The following SEC24D variants were observed in gnomAD, a reference collection of about 807,000 sequenced individuals.
SEC24D encodes SEC24 homolog D, COPII component.
Under a neutral mutation model 116.9 loss-of-function variants are expected in SEC24D, and 69 were observed. The ratio of observed to expected loss-of-function variants is 0.59; its 90% CI spans 0.49 to 0.72. SEC24D has a LOEUF of 0.72. Among genes scored for constraint, SEC24D ranks in the 30% least tolerant of loss-of-function variants. The probability of loss-of-function intolerance (pLI) is 0.00; values close to 1 mark genes in which losing one functional copy is unlikely to be tolerated. For synonymous variants in SEC24D, 405 were observed against 442.8 expected (o/e 0.91, Z 1.07); for missense variants, 1,131 against 1,264.1 (o/e 0.89, Z 1.60).
chr4:118,800,851 T>C (rs536140495), intron 7 of SEC24D, among the ~76,000 whole-genome samples: 10 of 152,298 alleles, frequency 6.6e-5, no homozygotes, highest in African/African-American at 2.2e-4. Flanking sequence ...GAACCAATTA[T>C]AAATTTCTAC....
chr4:118,795,925 T>C (rs1156839854), intron 8 of SEC24D, among the ~76,000 whole-genome samples: 1 of 152,236 alleles, frequency 6.6e-6, no homozygotes, highest in Non-Finnish European at 1.5e-5. Flanking sequence ...TAAATGAATT[T>C]TGCCTCAAAT....
Position 118,745,056 on chromosome 4 carries a change from G to T in SEC24D, c.1712C>A (p.Ala571Glu). Residue 571 changes from alanine to glutamate, a missense_variant, in exon 14 of 23, where the codon GCA becomes GAA. Transcript: ENST00000280551. ...GATGAACAGCTTCCCAGGACAGTCT[G>T]CTGCCTAAAAAAAAAAAAAAACCCA... ...IQAGMEALKA[A>E]DCPGKLFIFH... The T allele has an allele frequency of 1.9e-6, 3 of 1,558,454 alleles. No individual in the cohort carries two copies. The highest frequency in any genetic ancestry group is 8.7e-7 in the Non-Finnish European group (1 of 1,152,386).
chr4:118,812,958 C>T (rs1423352202), intron 6 of SEC24D, among the ~76,000 whole-genome samples: 3 of 152,164 alleles, frequency 2.0e-5, no homozygotes, highest in African/African-American at 7.2e-5. Context: ...CTGTATCCTC[C>T]CCTAGAGATT....
chr4:118,756,299 C>T (rs72669455), intron 11 of SEC24D, among the ~76,000 whole-genome samples: 297 of 152,232 alleles, frequency 2.0e-3, no homozygotes, highest in Non-Finnish European at 3.4e-3. Context: ...GTCACAAACA[C>T]ATCTGCAGGC....
intron 3 of SEC24D, among the ~76,000 whole-genome samples, chr4:118,817,665 G>A (rs1730211710): frequency 6.6e-6 from 1 of 152,014 alleles, no homozygotes; most frequent in South Asian, 2.1e-4. Context: ...CATAAAACCA[G>A]TTCTGGAAAT....
At chr4:118,730,657 C>T (rs987294438) in intron 21 of SEC24D, 1 of 152,308 alleles carries the variant, frequency 6.6e-6, no homozygotes, top group Non-Finnish European at 1.5e-5. Flanking sequence ...TAAATGTTGA[C>T]TCTTGTACAA....
intron 9 of SEC24D, among the ~76,000 whole-genome samples, chr4:118,765,737 T>C (rs1463547094): frequency 6.6e-6 from 1 of 152,144 alleles, no homozygotes; most frequent in Non-Finnish European, 1.5e-5. Context: ...ATAATGCTTC[T>C]TGTTTTTAAG....
intron 1 of SEC24D, among the ~76,000 whole-genome samples, chr4:118,835,000 T>G (rs1185116733): frequency 6.6e-6 from 1 of 152,228 alleles, no homozygotes; most frequent in African/African-American, 2.4e-5. Flanking sequence ...GATCATTTCC[T>G]TCTCCTGGGA....
intron 8 of SEC24D, among the ~76,000 whole-genome samples, chr4:118,788,183 T>C (rs931705027): frequency 4.6e-5 from 7 of 152,208 alleles, no homozygotes; most frequent in Admixed American, 4.6e-4. Context: ...GCTATACATA[T>C]GAAATCACTT....
At chr4:118,793,244 G>T (rs184743912) in intron 8 of SEC24D, among the ~76,000 whole-genome samples, 1,601 of 152,004 alleles carry the variant, frequency 0.011, 35 homozygotes, top group African/African-American at 0.037. Flanking sequence ...GAGGCGGGCG[G>T]ATCACGAGGT....
Position 118,789,500 on chromosome 4 carries a change from T to TGGTA in SEC24D, c.1041+8179_1041+8182dup, listed in dbSNP as rs796385188. ...ACATCCATTCCTTTTTCCCCCACAA[T>TGGTA]GGTACCCTCTTTAGATCTGCTGAAT... On this transcript the variant is annotated intron_variant, in intron 8 of 22. Transcript: ENST00000280551. Among the ~76,000 whole-genome samples, 29 of 152,356 alleles carry TGGTA rather than the reference T, an allele frequency of 1.9e-4. 1 individual carries two copies. Among genetic ancestry groups the TGGTA allele is most frequent in the African/African-American group, 6.3e-4 (26 of 41,592 alleles).
At chr4:118,769,685 A>G (rs1348657519) in intron 8 of SEC24D, 2 of 152,128 alleles carry the variant, frequency 1.3e-5, no homozygotes, top group African/African-American at 4.8e-5. Flanking sequence ...ACAATACTCA[A>G]AAGAATCGGG....
At chr4:118,755,134 T>A (rs1167672539) in intron 11 of SEC24D, among the ~76,000 whole-genome samples, 4 of 152,136 alleles carry the variant, frequency 2.6e-5, no homozygotes, top group South Asian at 2.1e-4. Context: ...AACTTTTTTT[T>A]ATTTGTTTGA....
chr4:118,809,569 A>G (rs1729817498), intron 6 of SEC24D, among the ~76,000 whole-genome samples: 1 of 152,222 alleles, frequency 6.6e-6, no homozygotes, highest in Non-Finnish European at 1.5e-5. Flanking sequence ...TAAGATAAAA[A>G]TAAATACTGG....
intron 6 of SEC24D, among the ~76,000 whole-genome samples, chr4:118,808,581 C>G (rs1350196515): frequency 6.6e-6 from 1 of 152,130 alleles, no homozygotes; most frequent in Non-Finnish European, 1.5e-5. Context: ...AAATACTATA[C>G]CTTTTTTATT....
chr4:118,792,634 T>G (rs1418501593), intron 8 of SEC24D, among the ~76,000 whole-genome samples: 3 of 152,066 alleles, frequency 2.0e-5, no homozygotes, highest in Non-Finnish European at 4.4e-5. Context: ...GTCCACTAAG[T>G]GTTAAATGGA....
intron 10 of SEC24D, among the ~76,000 whole-genome samples, chr4:118,763,754 T>A (rs1250080502): frequency 6.6e-6 from 1 of 152,136 alleles, no homozygotes; most frequent in Non-Finnish European, 1.5e-5. Context: ...CATACACTGA[T>A]CAACTACCTA....
At chr4:118,738,106 G>A in intron 19 of SEC24D, 155 bp downstream of exon 19, 5 of 529,604 alleles carry the variant, frequency 9.4e-6, no homozygotes, top group East Asian at 3.2e-5. Context: ...AAAAACCACA[G>A]CCCCCCCAAA....
At chr4:118,723,772 G>T in intron 22 of SEC24D, 117 bp from the exon 23 acceptor site, 1 of 1,125,522 alleles carries the variant, frequency 8.9e-7, no homozygotes, top group Non-Finnish European at 1.3e-6. Context: ...TATGTGTGAG[G>T]CTATGGAGGA....
Sources: gnomAD v4.1 joint callset for allele counts (sites outside exome capture counted in the v4.1 genomes callset) on GRCh38, gnomAD v4.1.1 for gene constraint, MANE v1.5 for transcripts, NCBI Gene and HGNC (gene_info 2026-07-23, HGNC 2026-07-21) for gene names.